The following BCO1 variants were observed in gnomAD, a reference collection of about 807,000 sequenced individuals.
BCO1 encodes beta,beta-carotene 15,15'-dioxygenase.
Under a neutral mutation model 56.3 loss-of-function variants are expected in BCO1, and 54 were observed. That is an observed-to-expected ratio of 0.96 (90% CI 0.77 to 1.20). BCO1 has a LOEUF of 1.20. BCO1 is among the 50% of genes most tolerant of loss of function. BCO1 has a pLI of 0.00. For synonymous variants in BCO1, 318 were observed against 266.1 expected (o/e 1.20, Z -1.90); for missense variants, 801 against 690.9 (o/e 1.16, Z -1.79).
intron 7 of BCO1, among the ~76,000 whole-genome samples, chr16:81,276,706 G>T (rs1907577904): frequency 6.6e-6 from 1 of 152,164 alleles, no homozygotes; most frequent in Non-Finnish European, 1.5e-5. Context: ...AGTTGTTATT[G>T]TACACTTGAA....
In BCO1 at chr16:81,254,171, C is replaced by G. The variant is rs145055942; in HGVS notation, c.194-5505C>G. On this transcript the variant is annotated intron_variant, in intron 2 of 10. Coordinates refer to ENST00000258168, the MANE Select transcript of BCO1 (RefSeq NM_017429.3). Reference sequence around the variant, plus strand: ...TGAGATAGAGTCTCCCTCTGTCACCCAGGCAGGAGTTCAATGGCACAGTCT... The same window carrying G: ...TGAGATAGAGTCTCCCTCTGTCACCGAGGCAGGAGTTCAATGGCACAGTCT... 3.7e-4 allele frequency among the ~76,000 whole-genome samples: 57 copies of G among 152,164 alleles called. 1 individual carries two copies. The East Asian group carries it at 0.011, about 29-fold the overall frequency.
chr16:81,284,194 A>G (rs1010689679), intron 8 of BCO1, among the ~76,000 whole-genome samples: 1 of 149,838 alleles, frequency 6.7e-6, no homozygotes, highest in South Asian at 2.1e-4. Context: ...CTCCATCTCA[A>G]AACAACAACA....
chr16:81,259,055 C>G (rs1906318693), intron 2 of BCO1, among the ~76,000 whole-genome samples: 1 of 152,158 alleles, frequency 6.6e-6, no homozygotes, highest in Admixed American at 6.6e-5. Context: ...GGACCCACCC[C>G]CATCACCCAG....
rs1907146966 is a variant in BCO1, at chr16:81,270,692, C to CTGTGTGTGTGTGTATGTG, written c.1101+289_1101+290insATGTGTGTGTGTGTGTGT. Among the ~76,000 whole-genome samples, 20 of 143,694 alleles carry CTGTGTGTGTGTGTATGTG rather than the reference C, an allele frequency of 1.4e-4. 1 individual carries two copies. The allele number at this position is 143,694 out of a possible 152,430, so 94.3% of individuals were successfully genotyped here. A position where few individuals can be genotyped will look rare whatever the true frequency, so the allele number is the denominator to read the frequency against. ...TGTCTCCCAGTCTCTCTCTCTGTGT[C>CTGTGTGTGTGTGTATGTG]TGTGTGTGTGTGTGTGTGTGTGTGT... On this transcript the variant is annotated intron_variant, in intron 7 of 10. Coordinates refer to ENST00000258168, the MANE Select transcript of BCO1 (RefSeq NM_017429.3).
At chr16:81,248,226 A>AC (rs1452427700) in intron 2 of BCO1, among the ~76,000 whole-genome samples, 1 of 151,648 alleles carries the variant, frequency 6.6e-6, no homozygotes, top group African/African-American at 2.4e-5. Context: ...ACATGGTGAA[A>AC]CCCCGTCTCT....
At chr16:81,264,872 A>G in intron 5 of BCO1, 85 bp downstream of exon 5, 2 of 1,466,810 alleles carry the variant, frequency 1.4e-6, no homozygotes, top group South Asian at 2.3e-5. Context: ...TGATGACACA[A>G]GATCCAGTGT....
intron 10 of BCO1, among the ~76,000 whole-genome samples, chr16:81,288,711 T>G (rs560705077): frequency 1.3e-5 from 2 of 152,306 alleles, no homozygotes; most frequent in Non-Finnish European, 2.9e-5. Flanking sequence ...CAGAAATGCT[T>G]CAGAAATGCC....
chr16:81,255,834 A>G (rs1906099417), intron 2 of BCO1, among the ~76,000 whole-genome samples: 2 of 129,718 alleles, frequency 1.5e-5, no homozygotes, highest in African/African-American at 5.9e-5. Context: ...TTATTTATTT[A>G]TTTATCTTTG....
intron 5 of BCO1, among the ~76,000 whole-genome samples, chr16:81,266,297 C>G (rs989330595): frequency 6.6e-6 from 1 of 152,192 alleles, no homozygotes; most frequent in East Asian, 1.9e-4. Flanking sequence ...GGCGGAGGCT[C>G]TTAGCCCATG....
chr16:81,249,088 C>T (rs1597347238), intron 2 of BCO1, among the ~76,000 whole-genome samples: 1 of 119,532 alleles, frequency 8.4e-6, no homozygotes, highest in African/African-American at 3.3e-5. Context: ...TGGTCTCTTT[C>T]TTTCTTTTTT....
intron 7 of BCO1, among the ~76,000 whole-genome samples, chr16:81,271,560 T>A: frequency 6.6e-6 from 1 of 152,198 alleles, no homozygotes; most frequent in East Asian, 1.9e-4. Flanking sequence ...TTCCCCTCCC[T>A]GCCCCAGGCA....
At chr16:81,269,215 C>T (rs1907030800) in intron 6 of BCO1, among the ~76,000 whole-genome samples, 2 of 151,924 alleles carry the variant, frequency 1.3e-5, no homozygotes, top group African/African-American at 4.8e-5. Context: ...GCCTCCCATC[C>T]ACCCCCACGT....
At chr16:81,267,789 G>A (rs2151940397) in intron 5 of BCO1, 119 bp from the exon 6 acceptor site, 1 of 822,154 alleles carries the variant, frequency 1.2e-6, no homozygotes, top group South Asian at 1.4e-5. Flanking sequence ...TCTACACGTT[G>A]CTGTTTAATG....
At chr16:81,275,512 G>T (rs944074977) in intron 7 of BCO1, among the ~76,000 whole-genome samples, 4 of 152,144 alleles carry the variant, frequency 2.6e-5, no homozygotes, top group African/African-American at 9.7e-5. Context: ...TATCTCAAGT[G>T]TAAGTAACTT....
In BCO1 at chr16:81,258,623, T is replaced by C. The variant is rs80006388; in HGVS notation, c.194-1053T>C. On this transcript the variant is annotated intron_variant, in intron 2 of 10. Coordinates refer to ENST00000258168, the MANE Select transcript of BCO1 (RefSeq NM_017429.3). ...ACAGGGTGGAAGGGATGACTGATTC[T>C]GGTCAGCACTCTCAGATGGGTGACC... Among the ~76,000 whole-genome samples the C allele has an allele frequency of 8.4e-3, 1,278 of 152,348 alleles. 14 individuals carry two copies. The highest frequency in any genetic ancestry group is 0.044 in the Middle Eastern group (13 of 294).
chr16:81,270,247 A>T lies in BCO1; in HGVS notation c.932A>T (p.Asn311Ile), dbSNP rs1291958653. ...GCCATGGTGGTCTTCCATCACGTCA[A>T]CGCCTACGAAGAGGACGGCTGCATC... ...TDAMVVFHHVNAYEEDGCIVF... is the reference protein window; with the variant it reads ...TDAMVVFHHVIAYEEDGCIVF... Residue 311 changes from asparagine to isoleucine, a missense_variant, in exon 7 of 11, where the codon AAC becomes ATC. Asn to Ile is a moderately radical substitution (Grantham distance 149). Coordinates refer to ENST00000258168, the MANE Select transcript of BCO1 (RefSeq NM_017429.3). The T allele has an allele frequency of 6.2e-7, 1 of 1,614,216 alleles. No individual in the cohort carries two copies. Among genetic ancestry groups the T allele is most frequent in the South Asian group, 1.1e-5 (1 of 91,082 alleles).
intron 2 of BCO1, among the ~76,000 whole-genome samples, chr16:81,248,390 C>T (rs11643291): frequency 0.47 from 61,531 of 131,840 alleles, 13,957 homozygotes; most frequent in Middle Eastern, 0.6. Flanking sequence ...GCAACAAGAG[C>T]GAGGCTCCCT....
chr16:81,289,022 A>C (rs1908328143), intron 10 of BCO1, among the ~76,000 whole-genome samples: 1 of 152,162 alleles, frequency 6.6e-6, no homozygotes, highest in South Asian at 2.1e-4. Flanking sequence ...CACTTCCTTT[A>C]CATTCTCTGT....
chr16:81,290,212 C>A, intron 10 of BCO1, 136 bp from the exon 11 acceptor site: 1 of 796,652 alleles, frequency 1.3e-6, no homozygotes, highest in Non-Finnish European at 2.1e-6. Flanking sequence ...CCTTCTGTTA[C>A]AGTGTCTCAA....
Sources: allele counts gnomAD v4.1 joint callset (sites outside exome capture counted in the v4.1 genomes callset), GRCh38; gene constraint gnomAD v4.1.1; transcripts MANE v1.5; gene names NCBI Gene and HGNC (gene_info 2026-07-23, HGNC 2026-07-21).